Variants in NPSR1 observed in about 807,000 individuals in gnomAD.
NPSR1 encodes neuropeptide S receptor 1, also known as neuropeptide S receptor.
In NPSR1, 48 loss-of-function variants were observed where a neutral mutation model predicts 46.9. The ratio of observed to expected loss-of-function variants is 1.02; its 90% CI spans 0.81 to 1.30. The LOEUF is 1.30. NPSR1 is among the 50% of genes most tolerant of loss of function. The pLI is 0.00. For missense variants in NPSR1, 450 were observed against 449.5 expected, an observed-to-expected ratio of 1.00 and a Z score of -0.01; for synonymous variants, 176 against 168.1, an observed-to-expected ratio of 1.05 and a Z score of -0.36.
At chr7:34,684,450 G>A in intron 1 of NPSR1, 102 bp from the exon 2 acceptor site, 1 of 1,092,484 alleles carries the variant, frequency 9.2e-7, no homozygotes, top group Non-Finnish European at 1.4e-6. Context: ...CAAAAGTAGG[G>A]ATATGTGGCT....
At chr7:34,861,477 T>G (rs892633616) in intron 8 of NPSR1, among the ~76,000 whole-genome samples, 1 of 151,798 alleles carries the variant, frequency 6.6e-6, no homozygotes, top group Non-Finnish European at 1.5e-5. Flanking sequence ...TATCTGGCAT[T>G]TTTCTTTTGC....
intron 2 of NPSR1, among the ~76,000 whole-genome samples, chr7:34,733,627 ATT>A (rs1297564782): frequency 6.6e-6 from 1 of 152,218 alleles, no homozygotes; most frequent in African/African-American, 2.4e-5. Flanking sequence ...AATAGGAATA[ATT>A]AACATCATTC....
chr7:34,772,567 A>G (rs1216059553), intron 2 of NPSR1, among the ~76,000 whole-genome samples: 1 of 152,164 alleles, frequency 6.6e-6, no homozygotes, highest in African/African-American at 2.4e-5. Flanking sequence ...CATGGGTAGT[A>G]CAGAAAAGAG....
At chr7:34,767,735 G>GATAGCTGGAATTCTCCAA (rs1786501105) in intron 2 of NPSR1, among the ~76,000 whole-genome samples, 1 of 152,056 alleles carries the variant, frequency 6.6e-6, no homozygotes, top group Admixed American at 6.5e-5. Flanking sequence ...CAAAAATAAT[G>GATAGCTGGAATTCTCCAA]AAAGCATCAA....
intron 2 of NPSR1, among the ~76,000 whole-genome samples, chr7:34,752,369 G>A (rs1449793878): frequency 6.6e-6 from 1 of 152,090 alleles, no homozygotes; most frequent in Non-Finnish European, 1.5e-5. Flanking sequence ...CAATAAACTT[G>A]TTTGTGGAGG....
chr7:34,685,115 T>C (rs1198014902), intron 2 of NPSR1, among the ~76,000 whole-genome samples: 1 of 152,218 alleles, frequency 6.6e-6, no homozygotes, highest in Non-Finnish European at 1.5e-5. Context: ...CCTGTGGACA[T>C]TGCTTTTGAA....
intron 4 of NPSR1, among the ~76,000 whole-genome samples, chr7:34,821,630 G>A (rs1475169859): frequency 1.3e-5 from 2 of 152,268 alleles, no homozygotes; most frequent in South Asian, 2.1e-4. Flanking sequence ...GCCAGAGGGT[G>A]ACATGATGAA....
chr7:34,735,120 T>C (rs905602833), intron 2 of NPSR1, among the ~76,000 whole-genome samples: 2 of 152,100 alleles, frequency 1.3e-5, no homozygotes, highest in Non-Finnish European at 2.9e-5. Flanking sequence ...GAAGACCTGG[T>C]TGGGGGAAAG....
At chr7:34,724,201 T>C (rs1481632219) in intron 2 of NPSR1, among the ~76,000 whole-genome samples, 3 of 152,214 alleles carry the variant, frequency 2.0e-5, no homozygotes, top group Non-Finnish European at 4.4e-5. Context: ...AAAAACACTA[T>C]AGCTAGCATA....
intron 5 of NPSR1, 151 bp downstream of exon 5, chr7:34,827,753 C>G (rs1263526018): frequency 1.6e-6 from 1 of 635,942 alleles, no homozygotes; most frequent in Non-Finnish European, 2.7e-6. Context: ...GTGTAGCTAC[C>G]ATAGGCTAAG....
intron 2 of NPSR1, among the ~76,000 whole-genome samples, chr7:34,696,092 A>C (rs941604249): frequency 2.4e-4 from 36 of 151,876 alleles, no homozygotes; most frequent in African/African-American, 7.9e-4. Context: ...AAAAAAAAAA[A>C]AAAAAACTGC....
At chr7:34,755,695 G>T (rs1365511019) in intron 2 of NPSR1, among the ~76,000 whole-genome samples, 2 of 151,704 alleles carry the variant, frequency 1.3e-5, no homozygotes, top group African/African-American at 4.8e-5. Flanking sequence ...TTATGTGCAG[G>T]TATTACTTTT....
rs529785365 is a variant in NPSR1, at chr7:34,676,320, G to A, written c.148-8232G>A. Among the ~76,000 whole-genome samples, 7 of 152,216 alleles carry A rather than the reference G, an allele frequency of 4.6e-5. No individual in the cohort carries two copies. The South Asian group carries it at 1.0e-3, about 23-fold the overall frequency. On this transcript the variant is annotated intron_variant, in intron 1 of 8. Coordinates refer to ENST00000360581, the MANE Select transcript of NPSR1 (RefSeq NM_207172.2). ...TTCATCCTCATTTTACAAATAAGAG[G>A]TCAGAGAGGTTATCACTTACAACCT...
At position 34,817,595 on chromosome 7, in the gene NPSR1, C is replaced by G. The variant is rs1439795149; in HGVS notation, c.478+5732C>G. On this transcript the variant is annotated intron_variant, in intron 4 of 8. Coordinates refer to ENST00000360581, the MANE Select transcript of NPSR1 (RefSeq NM_207172.2). ...GGCCAGCATCATCCTGATACCAAAG[C>G]CTGGCAGAGACAAAACAAAAAAAAG... Among the ~76,000 whole-genome samples, 5 of 124,888 alleles carry G rather than the reference C, an allele frequency of 4.0e-5. No individual in the cohort carries two copies. In the East Asian group the frequency reaches 6.9e-4, roughly 17 times the overall value. 81.9% of individuals were successfully genotyped at this position (124,888 alleles called of 152,430 possible). A position where few individuals can be genotyped will look rare whatever the true frequency, so the allele number is the denominator to read the frequency against.
rs149513686 is a variant in NPSR1, at chr7:34,756,980, C to T, written c.281-21482C>T. 6.0e-4 allele frequency among the ~76,000 whole-genome samples: 91 copies of T among 152,216 alleles called. No individual in the cohort carries two copies. The East Asian group carries it at 0.016, about 27-fold the overall frequency. On this transcript the variant is annotated intron_variant, in intron 2 of 8. Transcript: ENST00000360581. ...TATGATTGCCTTCTTCAGATAGTTA[C>T]GATGATTAAGAAATTATGTCTATAA... is the stretch of plus-strand genomic sequence containing the variant.
At chr7:34,678,896 G>C (rs995891393) in intron 1 of NPSR1, among the ~76,000 whole-genome samples, 2 of 151,954 alleles carry the variant, frequency 1.3e-5, no homozygotes, top group African/African-American at 4.8e-5. Context: ...AGCAGAATAT[G>C]ATCTCCCGAA....
chr7:34,769,255 G>A (rs1019589777), intron 2 of NPSR1, among the ~76,000 whole-genome samples: 11 of 151,892 alleles, frequency 7.2e-5, no homozygotes, highest in African/African-American at 2.7e-4. Context: ...GCTTCACAAT[G>A]TACATCCTCT....
chr7:34,671,400 C>T (rs1314736455), intron 1 of NPSR1, among the ~76,000 whole-genome samples: 1 of 152,116 alleles, frequency 6.6e-6, no homozygotes, highest in East Asian at 1.9e-4. Context: ...ATACACCATG[C>T]CACCTCTCAA....
chr7:34,663,067 C>CTCTCTCTCTCTCTGTG (rs35826710), intron 1 of NPSR1, among the ~76,000 whole-genome samples: 1 of 99,386 alleles, frequency 1.0e-5, no homozygotes, highest in Non-Finnish European at 1.9e-5. Context: ...CTCTCTCTCT[C>CTCTCTCTCTCTCTGTG]TGTGTGTGTG....
Sources: allele counts gnomAD v4.1 joint callset (sites outside exome capture counted in the v4.1 genomes callset), GRCh38; gene constraint gnomAD v4.1.1; transcripts MANE v1.5; gene names NCBI Gene and HGNC (gene_info 2026-07-23, HGNC 2026-07-21).